UNC5D: variants seen among roughly 807,000 people sequenced by gnomAD.
UNC5D encodes unc-5 netrin receptor D.
In UNC5D, 39 loss-of-function variants were observed where a neutral mutation model predicts 105.4. The ratio of observed to expected loss-of-function variants is 0.37; its 90% CI spans 0.29 to 0.48. UNC5D has a LOEUF of 0.48. Ranked by LOEUF, UNC5D falls within the 20% of genes least tolerant of loss-of-function variation. UNC5D has a pLI of 0.98. For synonymous variants in UNC5D, 452 were observed against 450.4 expected, an observed-to-expected ratio of 1.00 and a Z score of -0.04; for missense variants, 991 against 1,202.4, an observed-to-expected ratio of 0.82 and a Z score of 2.60.
At chr8:35,239,928 T>C (rs1042156731) in intron 1 of UNC5D, among the ~76,000 whole-genome samples, 1 of 152,014 alleles carries the variant, frequency 6.6e-6, no homozygotes, top group Admixed American at 6.6e-5. Context: ...TTTTTCTCTT[T>C]TCTCTTTTCT....
intron 4 of UNC5D, among the ~76,000 whole-genome samples, chr8:35,678,584 ATGTT>A (rs1825434610): frequency 1.3e-5 from 2 of 152,160 alleles, no homozygotes; most frequent in Non-Finnish European, 1.5e-5. Flanking sequence ...AAGCATACAT[ATGTT>A]TATTATTGTT....
intron 1 of UNC5D, among the ~76,000 whole-genome samples, chr8:35,279,988 A>ATTTT (rs1554500666): frequency 5.3e-5 from 8 of 152,206 alleles, no homozygotes; most frequent in African/African-American, 1.9e-4. Flanking sequence ...AACTACCTTT[A>ATTTT]CTTTCTTTCT....
At chr8:35,784,041 CATAGGCCAACTGAA>C (rs991882909) in intron 16 of UNC5D, among the ~76,000 whole-genome samples, 1 of 152,092 alleles carries the variant, frequency 6.6e-6, no homozygotes, top group Non-Finnish European at 1.5e-5. Context: ...CTATGTCTAG[CATAGGCCAACTGAA>C]ATTGGTAAGG....
chr8:35,692,221 A>G (rs542858155), intron 7 of UNC5D, among the ~76,000 whole-genome samples: 1 of 152,360 alleles, frequency 6.6e-6, no homozygotes, highest in East Asian at 1.9e-4. Flanking sequence ...GCAGGTTTAA[A>G]TAAACATCCC....
intron 1 of UNC5D, among the ~76,000 whole-genome samples, chr8:35,500,123 A>C (rs1811869761): frequency 6.6e-6 from 1 of 152,234 alleles, no homozygotes; most frequent in Admixed American, 6.5e-5. Flanking sequence ...AGTATTAATT[A>C]GTTTTCAAGG....
At chr8:35,281,591 C>T (rs1585486483) in intron 1 of UNC5D, among the ~76,000 whole-genome samples, 1 of 152,050 alleles carries the variant, frequency 6.6e-6, no homozygotes, top group Non-Finnish European at 1.5e-5. Context: ...AGGCATGGAC[C>T]ACCACGCCCA....
At chr8:35,666,125 G>A (rs1207242483) in intron 4 of UNC5D, among the ~76,000 whole-genome samples, 4 of 151,694 alleles carry the variant, frequency 2.6e-5, no homozygotes, top group African/African-American at 9.7e-5. Context: ...CCTGTTTCAA[G>A]CAATATTTTA....
chr8:35,749,708 A>C (rs754442211), intron 12 of UNC5D, among the ~76,000 whole-genome samples: 2 of 152,042 alleles, frequency 1.3e-5, no homozygotes, highest in Non-Finnish European at 2.9e-5. Context: ...TCCTCTTCCC[A>C]TTATGTTTGG....
chr8:35,643,860 A>G (rs1228525694), intron 4 of UNC5D, among the ~76,000 whole-genome samples: 1 of 152,168 alleles, frequency 6.6e-6, no homozygotes, highest in African/African-American at 2.4e-5. Context: ...AACTAGAGGT[A>G]TGATTAAAAA....
intron 1 of UNC5D, among the ~76,000 whole-genome samples, chr8:35,494,355 T>C (rs1159042103): frequency 1.3e-5 from 2 of 152,196 alleles, no homozygotes; most frequent in African/African-American, 4.8e-5. Flanking sequence ...TTTTACATTA[T>C]AATGAAATTT....
intron 1 of UNC5D, among the ~76,000 whole-genome samples, chr8:35,520,258 C>T (rs1264371653): frequency 6.6e-6 from 1 of 152,048 alleles, no homozygotes; most frequent in East Asian, 1.9e-4. Context: ...AGATATGCTA[C>T]AACATCGATA....
intron 4 of UNC5D, among the ~76,000 whole-genome samples, chr8:35,677,403 T>C (rs56008733): frequency 0.071 from 10,866 of 152,170 alleles, 1,325 homozygotes; most frequent in African/African-American, 0.25. Context: ...CAGCACCACT[T>C]CACTGATTTA....
chr8:35,679,783 T>C (rs1825534814), intron 4 of UNC5D, among the ~76,000 whole-genome samples: 1 of 152,208 alleles, frequency 6.6e-6, no homozygotes, highest in Admixed American at 6.5e-5. Flanking sequence ...TCTTAGTTTA[T>C]TTCTTGTTGC....
At chr8:35,463,714 A>G (rs1326713040) in intron 1 of UNC5D, among the ~76,000 whole-genome samples, 2 of 151,526 alleles carry the variant, frequency 1.3e-5, no homozygotes, top group African/African-American at 4.9e-5. Flanking sequence ...TGAACCCAAG[A>G]GTTGGAAGCT....
At position 35,722,401 on chromosome 8, in the gene UNC5D, C is replaced by T. The variant is rs749145160; in HGVS notation, c.1303+6C>T. ...CTTCAAAACAGTCCGTCAAGGTCAG[C>T]GGCATAGGTCCCTCCACACCTCGTC... On this transcript the variant is annotated splice_donor_region_variant and intron_variant, in intron 9 of 16. Coordinates refer to ENST00000404895, the MANE Select transcript of UNC5D (RefSeq NM_080872.4). 22 of 1,611,850 alleles carry T rather than the reference C, an allele frequency of 1.4e-5. No homozygotes were observed. The highest frequency in any genetic ancestry group is 1.8e-4 in the Middle Eastern group (1 of 5,606).
chr8:35,792,060 C>T lies in UNC5D; in HGVS notation c.*1497C>T, dbSNP rs1803068860. 6.6e-6 allele frequency: 1 copy of T among 152,142 alleles called. No homozygotes were observed. Among genetic ancestry groups the T allele is most frequent in the Non-Finnish European group, 1.5e-5 (1 of 68,038 alleles). The allele number at this position is 152,142 out of a possible 1,614,324, so 9.4% of individuals were successfully genotyped here. ...CAAAGTCAAGGACCCAGATGAACCA[C>T]AAGGCAGCTAGTCAGCTACTTAGAG... On this transcript the variant is annotated 3_prime_UTR_variant, in exon 17 of 17. Transcript: ENST00000404895.
chr8:35,743,195 C>T (rs1347027307), intron 11 of UNC5D, among the ~76,000 whole-genome samples: 1 of 152,128 alleles, frequency 6.6e-6, no homozygotes, highest in Non-Finnish European at 1.5e-5. Context: ...GAGCAGTCTA[C>T]CTGCTGATTT....
chr8:35,279,285 ACAAACT>A (rs1328267806), intron 1 of UNC5D, among the ~76,000 whole-genome samples: 2 of 152,212 alleles, frequency 1.3e-5, no homozygotes, highest in Non-Finnish European at 2.9e-5. Flanking sequence ...GGTAAATAAA[ACAAACT>A]CAAAAGGAAT....
chr8:35,625,233 GA>G (rs921879403), intron 4 of UNC5D, among the ~76,000 whole-genome samples: 12 of 152,004 alleles, frequency 7.9e-5, no homozygotes, highest in Admixed American at 1.3e-4. Context: ...TCTATCACTT[GA>G]AAAAAAATGT....
Sources: gnomAD v4.1 joint callset for allele counts (sites outside exome capture counted in the v4.1 genomes callset) on GRCh38, gnomAD v4.1.1 for gene constraint, MANE v1.5 for transcripts, NCBI Gene and HGNC (gene_info 2026-07-23, HGNC 2026-07-21) for gene names.